Variants in RNF185 observed in about 807,000 individuals in gnomAD.
The protein encoded by RNF185 is E3 ubiquitin-protein ligase RNF185.
In RNF185, 13 loss-of-function variants were observed where a neutral mutation model predicts 24.9. That is an observed-to-expected ratio of 0.52 (90% CI 0.34 to 0.83). RNF185 has a LOEUF of 0.83. Among genes scored for constraint, RNF185 ranks in the 40% least tolerant of loss-of-function variants. The pLI, the probability that RNF185 is intolerant of heterozygous loss-of-function variation, is 0.01. For synonymous variants in RNF185, 79 were observed against 90.3 expected (o/e 0.88, Z 0.71); for missense variants, 184 against 244.7 (o/e 0.75, Z 1.65).
Position 31,204,553 on chromosome 22 carries a change from C to T in RNF185, c.546C>T (p.Ala182=). Residue 182 remains alanine, a synonymous_variant, in exon 7 of 7, where the codon GCC becomes GCT. Transcript: ENST00000326132. The part of the protein sequence containing the change: ...QFLSRLFLFV[A]LVIMFWLLIA The stretch of plus-strand genomic sequence containing the variant: ...TGTCACGCCTCTTCCTATTTGTGGC[C>T]CTGGTGATCATGTTCTGGCTCCTGA... The T allele has an allele frequency of 6.2e-7, 1 of 1,603,556 alleles. No homozygotes were observed. Among genetic ancestry groups the T allele is most frequent in the Non-Finnish European group, 8.5e-7 (1 of 1,170,578 alleles).
At chr22:31,195,013 T>G (rs111448585) in intron 3 of RNF185, among the ~76,000 whole-genome samples, 3,463 of 152,036 alleles carry the variant, frequency 0.023, 135 homozygotes, top group African/African-American at 0.077. Context: ...AATGCAGTGG[T>G]GCAATCTCGG....
chr22:31,198,076 A>G (rs2048224098), intron 5 of RNF185, among the ~76,000 whole-genome samples: 1 of 152,248 alleles, frequency 6.6e-6, no homozygotes, highest in South Asian at 2.1e-4. Context: ...CCAAGAGCCC[A>G]GAACAAGTAT....
At chr22:31,162,422 T>G (rs1265636313) in intron 1 of RNF185, among the ~76,000 whole-genome samples, 2 of 152,176 alleles carry the variant, frequency 1.3e-5, no homozygotes, top group African/African-American at 4.8e-5. Context: ...AGGCCACTGG[T>G]CTGAAGAAGT....
chr22:31,169,631 C>T (rs1349319630), intron 1 of RNF185, among the ~76,000 whole-genome samples: 1 of 152,168 alleles, frequency 6.6e-6, no homozygotes. Context: ...ACTGCAACCT[C>T]TGCCTCCCGG....
chr22:31,182,056 T>TAA (rs200392556), intron 1 of RNF185, among the ~76,000 whole-genome samples: 435 of 140,708 alleles, frequency 3.1e-3, no homozygotes, highest in African/African-American at 0.011. Context: ...AGGTTTTGTT[T>TAA]AAAAAAAAAA....
chr22:31,198,991 T>C (rs2048236148), intron 5 of RNF185, among the ~76,000 whole-genome samples: 1 of 150,908 alleles, frequency 6.6e-6, no homozygotes, highest in South Asian at 2.1e-4. Context: ...TCCCAGCTAC[T>C]CGGGAGGCTG....
chr22:31,170,696 G>A (rs1445583765), intron 1 of RNF185, among the ~76,000 whole-genome samples: 3 of 151,496 alleles, frequency 2.0e-5, no homozygotes, highest in Non-Finnish European at 4.4e-5. Flanking sequence ...TTTTAGTAGA[G>A]ATAGGGTTTC....
intron 4 of RNF185, 130 bp from the exon 5 acceptor site, chr22:31,196,806 G>T: frequency 8.5e-7 from 1 of 1,179,848 alleles, no homozygotes. Flanking sequence ...GAATTAATCT[G>T]GCATAAGTTC....
chr22:31,192,657 G>A (rs775577399), intron 2 of RNF185, 27 bp from the exon 3 acceptor site: 14 of 1,610,896 alleles, frequency 8.7e-6, no homozygotes, highest in Non-Finnish European at 1.2e-5. Flanking sequence ...TCTCCTTGAT[G>A]ACTGGTTGCC....
intron 1 of RNF185, among the ~76,000 whole-genome samples, chr22:31,173,288 C>G (rs1464615639): frequency 6.6e-6 from 1 of 151,626 alleles, no homozygotes; most frequent in East Asian, 1.9e-4. Context: ...TGTAACATTT[C>G]CAGTTCTGAA....
intron 1 of RNF185, among the ~76,000 whole-genome samples, chr22:31,172,213 TGTG>T (rs1341753763): frequency 6.6e-6 from 1 of 152,014 alleles, no homozygotes; most frequent in African/African-American, 2.4e-5. Context: ...CCTGGCCAGG[TGTG>T]GTGGCTAATG....
rs547451323 is a variant in RNF185, at chr22:31,190,610, G to A, written c.177-2074G>A. On this transcript the variant is annotated intron_variant, in intron 2 of 6. Transcript: ENST00000326132. ...CCTGGTTTTTGGTTTTTTTTGAGAT[G>A]GAGTCTCACTGCGTCACCCATGCTG... Among the ~76,000 whole-genome samples, 5 of 149,294 alleles carry A rather than the reference G, an allele frequency of 3.3e-5. No individual in the cohort carries two copies. The South Asian group carries it at 1.1e-3, about 32-fold the overall frequency.
intron 4 of RNF185, among the ~76,000 whole-genome samples, 154 bp downstream of exon 4, chr22:31,195,735 G>A (rs1016494823): frequency 2.0e-5 from 3 of 152,194 alleles, no homozygotes; most frequent in Non-Finnish European, 4.4e-5. Flanking sequence ...AGGAGGGGAG[G>A]GAAGAGAGGG....
intron 1 of RNF185, among the ~76,000 whole-genome samples, chr22:31,167,170 A>G (rs750748721): frequency 9.2e-5 from 14 of 151,990 alleles, no homozygotes; most frequent in African/African-American, 1.5e-4. Flanking sequence ...GTTTTAACTA[A>G]TTTTATCTAT....
chr22:31,168,019 A>G (rs1924039119), intron 1 of RNF185, among the ~76,000 whole-genome samples: 1 of 152,204 alleles, frequency 6.6e-6, no homozygotes, highest in Non-Finnish European at 1.5e-5. Context: ...TAGAAACATC[A>G]CCACCATCTA....
Position 31,166,583 on chromosome 22 carries a change from C to T in RNF185, c.-49+6280C>T, listed in dbSNP as rs150510656. Among the ~76,000 whole-genome samples, 13 of 53,018 alleles carry T rather than the reference C, an allele frequency of 2.5e-4. No individual in the cohort carries two copies. In the East Asian group the frequency reaches 9.8e-3, roughly 40 times the overall value. 34.8% of individuals were successfully genotyped at this position (53,018 alleles called of 152,430 possible). A position where few individuals can be genotyped will look rare whatever the true frequency, so the allele number is the denominator to read the frequency against. ...TTTCTTCTTCTTCTTCTTCTTCTTC[C>T]CCTTCCCCTTCCCCTTCCCTTCCCC... On this transcript the variant is annotated intron_variant, in intron 1 of 6. Coordinates refer to ENST00000326132, the MANE Select transcript of RNF185 (RefSeq NM_152267.4).
intron 1 of RNF185, among the ~76,000 whole-genome samples, chr22:31,161,666 T>A (rs1488887325): frequency 1.3e-5 from 2 of 152,220 alleles, no homozygotes; most frequent in Non-Finnish European, 2.9e-5. Flanking sequence ...ATCACAAAAT[T>A]GAGGACTCTC....
intron 1 of RNF185, among the ~76,000 whole-genome samples, chr22:31,170,289 T>C (rs1330194179): frequency 6.6e-6 from 1 of 151,762 alleles, no homozygotes; most frequent in Non-Finnish European, 1.5e-5. Flanking sequence ...CCCGGGTTCA[T>C]GCCATTCTCC....
intron 1 of RNF185, among the ~76,000 whole-genome samples, chr22:31,174,093 T>C (rs1169221727): frequency 6.6e-6 from 1 of 152,208 alleles, no homozygotes; most frequent in Non-Finnish European, 1.5e-5. Context: ...ACTATGCTAG[T>C]CCCGTACTGT....
Sources: gnomAD v4.1 joint callset for allele counts (sites outside exome capture counted in the v4.1 genomes callset) on GRCh38, gnomAD v4.1.1 for gene constraint, MANE v1.5 for transcripts, NCBI Gene and HGNC (gene_info 2026-07-23, HGNC 2026-07-21) for gene names.